LARP1: variants seen among roughly 807,000 people sequenced by gnomAD.
The protein encoded by LARP1 is la-related protein 1.
In LARP1, 36 loss-of-function variants were observed where a neutral mutation model predicts 122.7. The ratio of observed to expected loss-of-function variants is 0.29; its 90% CI spans 0.22 to 0.39. The LOEUF (loss-of-function observed/expected upper bound fraction) is 0.39, where lower values mean the gene tolerates loss of function less well. Ranked by LOEUF, LARP1 falls within the 10% of genes least tolerant of loss-of-function variation. The pLI is 1.00. For synonymous variants in LARP1, 539 were observed against 528.7 expected (o/e 1.02, Z -0.27); for missense variants, 1,040 against 1,403.6 (o/e 0.74, Z 4.14).
At chr5:154,801,928 T>G (rs1027087871) in intron 10 of LARP1, 79 bp from the exon 11 acceptor site, 98 of 1,366,558 alleles carry the variant, frequency 7.2e-5, no homozygotes, top group Non-Finnish European at 9.5e-5. Flanking sequence ...GGCTGGAGCT[T>G]CCCTCTCATG....
intron 6 of LARP1, 22 bp downstream of exon 6, chr5:154,794,022 T>C (rs1226971942): frequency 1.2e-6 from 2 of 1,608,136 alleles, no homozygotes; most frequent in East Asian, 2.2e-5. Flanking sequence ...CCCTTTGGGC[T>C]CCGGGATGTC....
At chr5:154,722,085 A>G (rs752595630) in intron 1 of LARP1, among the ~76,000 whole-genome samples, 1 of 152,084 alleles carries the variant, frequency 6.6e-6, no homozygotes, top group Non-Finnish European at 1.5e-5. Context: ...GCTGCCTTCC[A>G]TGGAGCCAAA....
intron 1 of LARP1, among the ~76,000 whole-genome samples, chr5:154,762,211 C>T (rs185444236): frequency 7.9e-5 from 12 of 152,106 alleles, no homozygotes; most frequent in African/African-American, 2.7e-4. Context: ...CCACTGCACT[C>T]CAGCCTGGGT....
rs150269198 is a variant in LARP1 at position 154,685,421 on chromosome 5, G to A, written c.-180+2384G>A. Among the ~76,000 whole-genome samples the A allele has an allele frequency of 6.0e-4, 91 of 152,226 alleles. 1 individual carries two copies. The East Asian group carries it at 0.017, about 29-fold the overall frequency. Reference sequence around the variant, plus strand: ...TCCCCTCAGAGGCCTTGCACATGCTGTTCCTCATATTCCAAGCTGGCTGGC... The same window carrying A: ...TCCCCTCAGAGGCCTTGCACATGCTATTCCTCATATTCCAAGCTGGCTGGC... On this transcript the variant is annotated intron_variant, in intron 1 of 18. Coordinates refer to the LARP1 transcript ENST00000687700.
intron 1 of LARP1, among the ~76,000 whole-genome samples, chr5:154,690,246 A>G (rs1024822210): frequency 5.3e-5 from 8 of 152,032 alleles, no homozygotes; most frequent in Non-Finnish European, 7.3e-5. Flanking sequence ...GAGAATCAAG[A>G]TGGATTTAAA....
upstream of LARP1, among the ~76,000 whole-genome samples, chr5:154,709,919 G>A (rs1297443559): frequency 6.6e-6 from 1 of 152,116 alleles, no homozygotes; most frequent in Non-Finnish European, 1.5e-5. Context: ...CCGCTCCCCA[G>A]TGCTAGCATC....
chr5:154,788,157 CAGA>C (rs938973058), intron 1 of LARP1, among the ~76,000 whole-genome samples: 1 of 152,164 alleles, frequency 6.6e-6, no homozygotes, highest in Non-Finnish European at 1.5e-5. Context: ...TGGTTTGACA[CAGA>C]AGAAGATTTT....
At chr5:154,724,454 G>C (rs1756072934) in intron 1 of LARP1, among the ~76,000 whole-genome samples, 1 of 152,072 alleles carries the variant, frequency 6.6e-6, no homozygotes, top group African/African-American at 2.4e-5. Context: ...CTAGAGCATT[G>C]GATTATAAAA....
At chr5:154,763,360 C>T (rs1754636878) in intron 1 of LARP1, among the ~76,000 whole-genome samples, 1 of 152,126 alleles carries the variant, frequency 6.6e-6, no homozygotes, top group African/African-American at 2.4e-5. Context: ...CCGCGCCTGG[C>T]CCAGCAGATG....
intron 1 of LARP1, among the ~76,000 whole-genome samples, chr5:154,696,920 G>A (rs1235439170): frequency 3.3e-5 from 5 of 152,192 alleles, no homozygotes; most frequent in Admixed American, 2.6e-4. Flanking sequence ...TGAGAGGGGT[G>A]TAGAGGAAAT....
intron 8 of LARP1, among the ~76,000 whole-genome samples, chr5:154,796,121 TTATATATATTTTATATATTTATATATTA>T (rs1419481421): frequency 2.9e-5 from 3 of 104,246 alleles, no homozygotes; most frequent in Admixed American, 2.6e-4. Flanking sequence ...AGTATATATA[TTATATATATTTTATATATTTATATATTA>T]TATATATATT....
chr5:154,808,986 C>T (rs541604878), intron 16 of LARP1, among the ~76,000 whole-genome samples: 1 of 152,148 alleles, frequency 6.6e-6, no homozygotes, highest in South Asian at 2.1e-4. Context: ...ATTTTTTGCA[C>T]CTTGCATTTG....
chr5:154,695,851 C>T (rs748016256), intron 1 of LARP1, among the ~76,000 whole-genome samples: 4 of 151,100 alleles, frequency 2.6e-5, no homozygotes, highest in African/African-American at 9.8e-5. Flanking sequence ...CCAGCCTGGG[C>T]GACAGAGCAA....
chr5:154,702,643 C>A (rs1373678049), intron 1 of LARP1, among the ~76,000 whole-genome samples: 2 of 151,974 alleles, frequency 1.3e-5, no homozygotes, highest in East Asian at 3.9e-4. Flanking sequence ...TTGATAGCAA[C>A]AACTCTAGAA....
chr5:154,803,185 C>A lies in LARP1; in HGVS notation c.2110-105C>A. On this transcript the variant is annotated intron_variant, in intron 11 of 18. Coordinates refer to ENST00000518297, the MANE Select transcript of LARP1 (RefSeq NM_033551.3). The surrounding 1 kb of genome is among the most constrained non-coding windows in gnomAD (Gnocchi z 4.4). ...GGGACCAGAATTCCACGTATGTCGA[C>A]GTGGGAGCTGCCCTCTCCAACTTCC... is the stretch of plus-strand genomic sequence containing the variant. 1 of 1,449,968 alleles carries A rather than the reference C, an allele frequency of 6.9e-7. No individual in the cohort carries two copies. The highest frequency in any genetic ancestry group is 1.2e-5 in the South Asian group (1 of 83,190). The allele number at this position is 1,449,968 out of a possible 1,614,324, so 89.8% of individuals were successfully genotyped here. A position where few individuals can be genotyped will look rare whatever the true frequency, so the allele number is the denominator to read the frequency against.
intron 18 of LARP1, among the ~76,000 whole-genome samples, chr5:154,812,515 C>T (rs1400088444): frequency 5.0e-5 from 4 of 80,750 alleles, no homozygotes; most frequent in Non-Finnish European, 9.0e-5. Flanking sequence ...GCCCCCCCCC[C>T]CCACCCCCCC....
Position 154,799,718 on chromosome 5 carries a change from G to C in LARP1, c.1505G>C (p.Cys502Ser). 1 of 1,614,188 alleles carries C rather than the reference G, an allele frequency of 6.2e-7. No individual in the cohort carries two copies. Among genetic ancestry groups the C allele is most frequent in the Non-Finnish European group, 8.5e-7 (1 of 1,180,040 alleles). ...ACTGATTTCTCCCAGCTTCTCAACT[G>C]CCCTGAATTTGTTCCCCGTCAGCAC... ...SQTDFSQLLN[C>S]PEFVPRQHYQ... is the part of the protein sequence containing the mutation. The change falls in exon 9 of 19, where the codon TGC (cysteine) becomes TCC (serine). Residue 502 changes from cysteine to serine, a missense_variant. Transcript: ENST00000518297.
intron 1 of LARP1, among the ~76,000 whole-genome samples, chr5:154,764,442 T>TC: frequency 6.8e-6 from 1 of 147,982 alleles, no homozygotes; most frequent in Non-Finnish European, 1.5e-5. Flanking sequence ...CCCATCTCTT[T>TC]AAAAAAAAAT....
rs551904391 is a variant in LARP1 at position 154,747,306 on chromosome 5, A to C, written c.205+34176A>C. Among the ~76,000 whole-genome samples, 755 of 132,224 alleles carry C rather than the reference A, an allele frequency of 5.7e-3. 1 individual carries two copies. The highest frequency in any genetic ancestry group is 0.024 in the Middle Eastern group (6 of 254). 86.7% of individuals were successfully genotyped at this position (132,224 alleles called of 152,430 possible). A position where few individuals can be genotyped will look rare whatever the true frequency, so the allele number is the denominator to read the frequency against. On this transcript the variant is annotated intron_variant, in intron 1 of 18. Coordinates refer to the LARP1 transcript ENST00000336314. ...GGGTGACAGAGCAAGACTCTGTCCC[A>C]AAAAAAAAAAAAAAGAAAAAGAAAA... is the stretch of plus-strand genomic sequence containing the variant.
Sources: gnomAD v4.1 joint callset for allele counts (sites outside exome capture counted in the v4.1 genomes callset) on GRCh38, gnomAD v4.1.1 for gene constraint, Gnocchi (gnomAD v3.1) non-coding constraint, MANE v1.5 for transcripts, NCBI Gene and HGNC (gene_info 2026-07-23, HGNC 2026-07-21) for gene names.